VANGL2: variants seen among roughly 807,000 people sequenced by gnomAD.
VANGL2 encodes the protein VANGL planar cell polarity protein 2.
In VANGL2, 14 loss-of-function variants were observed where a neutral mutation model predicts 50.2. The observed-to-expected ratio is 0.28, with a 90% CI of 0.18 to 0.44. The LOEUF (loss-of-function observed/expected upper bound fraction) is 0.44, where lower values mean the gene tolerates loss of function less well. VANGL2 is among the 20% of genes least tolerant of loss of function. The pLI, the probability that VANGL2 is intolerant of heterozygous loss-of-function variation, is 1.00. For synonymous variants in VANGL2, 295 were observed against 297.2 expected, an observed-to-expected ratio of 0.99 and a Z score of 0.08; for missense variants, 533 against 701.5, an observed-to-expected ratio of 0.76 and a Z score of 2.71.
chr1:160,420,922 T>A, intron 5 of VANGL2, 130 bp from the exon 6 acceptor site: 2 of 1,371,202 alleles, frequency 1.5e-6, no homozygotes, highest in South Asian at 1.3e-5. Flanking sequence ...AGGGTTGGGA[T>A]TAGGAGGTAT....
intron 6 of VANGL2, among the ~76,000 whole-genome samples, chr1:160,421,495 T>C (rs1651273670): frequency 6.6e-6 from 1 of 152,204 alleles, no homozygotes; most frequent in African/African-American, 2.4e-5. Context: ...CTCATTATTA[T>C]GGGGAGAATT....
chr1:160,426,958 T>C lies in VANGL2; in HGVS notation c.*1580T>C, dbSNP rs1279384679. The stretch of plus-strand genomic sequence containing the variant: ...CTCCCCCTCTGTGTAGCACCAGCCC[T>C]GGGAATGATGGAGCCTAGTGATCGG... On this transcript the variant is annotated 3_prime_UTR_variant, in exon 8 of 8. Coordinates refer to ENST00000368061, the MANE Select transcript of VANGL2 (RefSeq NM_020335.3). 1.3e-5 allele frequency: 2 copies of C among 152,472 alleles called. No individual in the cohort carries two copies. The highest frequency in any genetic ancestry group is 4.1e-4 in the South Asian group (2 of 4,836). 9.4% of individuals were successfully genotyped at this position (152,472 alleles called of 1,614,324 possible).
In VANGL2 at chr1:160,425,455, C is replaced by G; in HGVS notation, c.*77C>G. On this transcript the variant is annotated 3_prime_UTR_variant, in exon 8 of 8. Transcript: ENST00000368061. ...GAGGGGGCTTGGTTCTCAGGCCCAG[C>G]CACATTCCTGCCACCCTTCTTCTTC... is the stretch of plus-strand genomic sequence containing the variant. 6 of 1,065,890 alleles carry G rather than the reference C, an allele frequency of 5.6e-6. No individual in the cohort carries two copies. In the South Asian group the frequency reaches 9.5e-5, roughly 17 times the overall value. 66.0% of individuals were successfully genotyped at this position (1,065,890 alleles called of 1,614,324 possible).
At position 160,424,275 on chromosome 1, in the gene VANGL2, A is replaced by G. The variant is rs1651374229; in HGVS notation, c.1297A>G (p.Thr433Ala). The change falls in exon 7 of 8, where the codon ACG (threonine) becomes GCG (alanine). Residue 433 changes from threonine (T) to alanine (A), a missense_variant. Transcript: ENST00000368061. ...TGAATTCTGCATCACGCATGACATG[A>G]CGCCCAAGGTAGGCCTGCCCTGCTG... is the stretch of plus-strand genomic sequence containing the variant. ...HLEFCITHDM[T>A]PKAFLERYLA... The G allele has an allele frequency of 1.2e-6, 2 of 1,614,118 alleles. No individual in the cohort carries two copies. Among genetic ancestry groups the G allele is most frequent in the Non-Finnish European group, 8.5e-7 (1 of 1,179,986 alleles).
In VANGL2 at chr1:160,400,675, T is replaced by C. The variant is rs1345555606; in HGVS notation, c.-385T>C. On this transcript the variant is annotated 5_prime_UTR_variant, in exon 1 of 8. Transcript: ENST00000368061. ...CCCCTGGCCCCCAGCCCCCGGGGCC[T>C]TGAGGGGGAAGAGGCAGCGGTCTGG... The C allele has an allele frequency of 6.6e-6, 1 of 152,048 alleles. No homozygotes were observed. The highest frequency in any genetic ancestry group is 2.4e-5 in the African/African-American group (1 of 41,290). 9.4% of individuals were successfully genotyped at this position (152,048 alleles called of 1,614,324 possible). A position where few individuals can be genotyped will look rare whatever the true frequency, so the allele number is the denominator to read the frequency against.
intron 6 of VANGL2, among the ~76,000 whole-genome samples, chr1:160,422,904 CTT>C (rs377266487): frequency 0.29 from 39,810 of 138,770 alleles, 5,532 homozygotes; most frequent in Middle Eastern, 0.33. Context: ...TGTATGTATG[CTT>C]TTTTTTTTTT....
Position 160,425,651 on chromosome 1 carries a change from G to A in VANGL2, c.*273G>A. The A allele has an allele frequency of 7.2e-6, 3 of 414,896 alleles. No individual in the cohort carries two copies. Among genetic ancestry groups the A allele is most frequent in the Non-Finnish European group, 1.3e-5 (3 of 231,600 alleles). The allele number at this position is 414,896 out of a possible 1,614,324, so 25.7% of individuals were successfully genotyped here. A position where few individuals can be genotyped will look rare whatever the true frequency, so the allele number is the denominator to read the frequency against. On this transcript the variant is annotated 3_prime_UTR_variant, in exon 8 of 8. Transcript: ENST00000368061. The stretch of plus-strand genomic sequence containing the variant: ...TACTCTAGGCCCTGCAGGAATCAGT[G>A]CCTCTCTCCCTCTTCTTTCCCTAGT...
intron 1 of VANGL2, among the ~76,000 whole-genome samples, chr1:160,406,347 A>G (rs1196221984): frequency 6.6e-6 from 1 of 152,194 alleles, no homozygotes; most frequent in African/African-American, 2.4e-5. Flanking sequence ...ACATGAGTCC[A>G]GTGTCAGCCT....
At chr1:160,421,642 G>A (rs190840541) in intron 6 of VANGL2, among the ~76,000 whole-genome samples, 1 of 152,276 alleles carries the variant, frequency 6.6e-6, no homozygotes, top group African/African-American at 2.4e-5. Context: ...ATGAGATCAG[G>A]CCCTAAAGGA....
chr1:160,407,644 T>A (rs997046363), intron 1 of VANGL2, among the ~76,000 whole-genome samples: 5 of 152,172 alleles, frequency 3.3e-5, no homozygotes, highest in Non-Finnish European at 5.9e-5. Context: ...GGGGCCTACC[T>A]CGAGCAGCAG....
Position 160,424,064 on chromosome 1 carries a change from G to T in VANGL2, c.1086G>T (p.Ala362=). The T allele has an allele frequency of 6.2e-7, 1 of 1,614,024 alleles. No homozygotes were observed. Among genetic ancestry groups the T allele is most frequent in the Admixed American group, 1.7e-5 (1 of 60,028 alleles). The change falls in exon 7 of 8, where the codon GCG becomes GCT. Residue 362 remains alanine, a synonymous_variant. Coordinates refer to ENST00000368061, the MANE Select transcript of VANGL2 (RefSeq NM_020335.3). ...VRKRRARLVV[A]VEEAFTHIKR... Reference sequence around the variant, plus strand: ...TCCTGTCCCCTAGGCTTGTAGTGGCGGTGGAGGAGGCCTTCACTCACATTA... The same window carrying T: ...TCCTGTCCCCTAGGCTTGTAGTGGCTGTGGAGGAGGCCTTCACTCACATTA...
intron 4 of VANGL2, among the ~76,000 whole-genome samples, chr1:160,420,168 C>T (rs538750474): frequency 1.3e-5 from 2 of 152,186 alleles, no homozygotes; most frequent in South Asian, 4.2e-4. Context: ...TGGCTGGGGA[C>T]CCAGGCCCAA....
intron 2 of VANGL2, 58 bp from the exon 3 acceptor site, chr1:160,416,004 T>C: frequency 1.9e-6 from 3 of 1,614,056 alleles, no homozygotes; most frequent in Non-Finnish European, 2.5e-6. Context: ...GAGTGGCTGC[T>C]GAGAAGACCC....
In VANGL2 at chr1:160,421,096, G is replaced by T. The variant is rs772204956; in HGVS notation, c.982G>T (p.Ala328Ser). Reference protein sequence around the residue: ...NSTGQSRAVIAAAARRRDNSH... With the variant: ...NSTGQSRAVISAAARRRDNSH... ...CACTGGCCAGTCTCGGGCTGTGATT[G>T]CAGCGGCAGCTCGGAGGCGGGACAA... The change falls in exon 6 of 8, where the codon GCA (alanine) becomes TCA (serine). Residue 328 changes from alanine (A) to serine (S), a missense_variant. Transcript: ENST00000368061. The T allele has an allele frequency of 3.1e-5, 50 of 1,614,082 alleles. No homozygotes were observed. In the East Asian group the frequency reaches 1.0e-3, roughly 34 times the overall value.
At position 160,420,546 on chromosome 1, in the gene VANGL2, G is replaced by A. The variant is rs567154551; in HGVS notation, c.936G>A (p.Glu312=). Residue 312 remains glutamate (E), a splice_region_variant and synonymous_variant, in exon 5 of 8, where the codon GAG becomes GAA. Coordinates refer to ENST00000368061, the MANE Select transcript of VANGL2 (RefSeq NM_020335.3). ...VSGFKVYSLG[E]ENSTNNSTGQ... is the part of the protein sequence containing the mutation. The stretch of plus-strand genomic sequence containing the variant: ...GCTTCAAGGTGTATTCCCTCGGAGA[G>A]GGTGAGCAGCCCTGCTCCTCTGCCC... 3.3e-5 allele frequency: 53 copies of A among 1,614,190 alleles called. No homozygotes were observed. In the South Asian group the frequency reaches 4.1e-4, roughly 12 times the overall value.
Position 160,416,168 on chromosome 1 carries a change from C to T in VANGL2, c.178C>T (p.Arg60Ter), listed in dbSNP as rs1557909145. ...GCCCCTGCTGGACAATGAGTCCACA[C>T]GAGGGGATGAGCGGGTGAGCACTGG... ...GEPLLDNEST[R>*]GDERDDNWGE... Residue 60 changes from arginine to a stop codon, truncating the protein, a stop_gained, in exon 3 of 8, where the codon CGA (arginine) becomes TGA (stop). Coordinates refer to ENST00000368061, the MANE Select transcript of VANGL2 (RefSeq NM_020335.3). LOFTEE classifies it high-confidence loss of function. 6.2e-7 allele frequency: 1 copy of T among 1,614,156 alleles called. No homozygotes were observed. The highest frequency in any genetic ancestry group is 8.5e-7 in the Non-Finnish European group (1 of 1,180,022).
chr1:160,419,386 G>C lies in VANGL2; in HGVS notation c.577G>C (p.Val193Leu), dbSNP rs770440603. 6.2e-7 allele frequency: 1 copy of C among 1,612,464 alleles called. No individual in the cohort carries two copies. Among genetic ancestry groups the C allele is most frequent in the South Asian group, 1.1e-5 (1 of 91,088 alleles). The change falls in exon 4 of 8, where the codon GTG (valine) becomes CTG (leucine). Residue 193 changes from valine (V) to leucine (L), a missense_variant. Val to Leu is a conservative substitution (Grantham distance 32). Coordinates refer to ENST00000368061, the MANE Select transcript of VANGL2 (RefSeq NM_020335.3). This position sits in a 1 kb window ranked among gnomAD's most constrained non-coding sequence, Gnocchi z 5.8. ...ALLMVLVFLL[V>L]VSYWLFYGVR... is the part of the protein sequence containing the mutation. ...GCTTATGGTGCTGGTTTTCCTGCTC[G>C]TGGTCTCCTACTGGCTCTTCTATGG...
rs150206980 is a variant in VANGL2 at position 160,421,159 on chromosome 1, G to A, written c.1045G>A (p.Glu349Lys). The A allele has an allele frequency of 6.2e-7, 1 of 1,613,806 alleles. No homozygotes were observed. Among genetic ancestry groups the A allele is most frequent in the African/African-American group, 1.3e-5 (1 of 74,942 alleles). The change falls in exon 6 of 8, where the codon GAG (glutamate) becomes AAG (lysine). Residue 349 changes from glutamate (E) to lysine (K), a missense_variant. Transcript: ENST00000368061. Reference sequence around the variant, plus strand: ...GTACTACTATGAGGAGGCTGAGCATGAGCGAAGGGTGCGCAAGAGGAGGGC... The same window carrying A: ...GTACTACTATGAGGAGGCTGAGCATAAGCGAAGGGTGCGCAAGAGGAGGGC... ...NEYYYEEAEHERRVRKRRARL... is the reference protein window; with the variant it reads ...NEYYYEEAEHKRRVRKRRARL...
At chr1:160,425,013 T>G in intron 7 of VANGL2, 105 bp from the exon 8 acceptor site, 36 of 1,522,532 alleles carry the variant, frequency 2.4e-5, no homozygotes, top group Middle Eastern at 1.7e-4. Flanking sequence ...ATGCATAGAG[T>G]GAGCTCAGGG....
Sources: gnomAD v4.1 joint callset for allele counts (sites outside exome capture counted in the v4.1 genomes callset) on GRCh38, gnomAD v4.1.1 for gene constraint, Gnocchi (gnomAD v3.1) non-coding constraint, MANE v1.5 for transcripts, NCBI Gene and HGNC (gene_info 2026-07-23, HGNC 2026-07-21) for gene names.